The following TMEM219 variants were observed in gnomAD, a reference collection of about 807,000 sequenced individuals.
TMEM219 encodes insulin-like growth factor-binding protein 3 receptor.
A neutral mutation model predicts 17.9 loss-of-function variants in TMEM219; 18 were observed. The ratio of observed to expected loss-of-function variants is 1.01; its 90% CI spans 0.70 to 1.49. The LOEUF (loss-of-function observed/expected upper bound fraction) is 1.49, where lower values mean the gene tolerates loss of function less well. Ranked by LOEUF, TMEM219 falls within the 40% of genes most tolerant of loss-of-function variation. TMEM219 has a pLI of 0.00. For synonymous variants in TMEM219, 113 were observed against 124.0 expected, an observed-to-expected ratio of 0.91 and a Z score of 0.59; for missense variants, 288 against 292.4, an observed-to-expected ratio of 0.99 and a Z score of 0.11.
At chr16:29,964,609 A>G (rs757910148) in intron 3 of TMEM219, among the ~76,000 whole-genome samples, 3 of 152,044 alleles carry the variant, frequency 2.0e-5, no homozygotes, top group Non-Finnish European at 4.4e-5. Context: ...TGCAATAAGC[A>G]GAGATCACAC....
intron 3 of TMEM219, among the ~76,000 whole-genome samples, chr16:29,964,711 A>G (rs2069191303): frequency 6.8e-6 from 1 of 147,636 alleles, no homozygotes; most frequent in African/African-American, 2.5e-5. Context: ...AGGTGAGATC[A>G]CAGAGGACTG....
chr16:29,964,198 C>G (rs2150860622), intron 3 of TMEM219, among the ~76,000 whole-genome samples: 1 of 152,206 alleles, frequency 6.6e-6, no homozygotes, highest in East Asian at 1.9e-4. Context: ...TTGCACGTGC[C>G]TGTAATCCCA....
chr16:29,971,803 C>T (rs2069293184), intron 5 of TMEM219: 1 of 345,164 alleles, frequency 2.9e-6, no homozygotes, highest in East Asian at 5.6e-5. Flanking sequence ...AAATAGTTAA[C>T]ACTTATGTAG....
Position 29,963,531 on chromosome 16 carries a change from C to G in TMEM219, c.297C>G (p.Asp99Glu), listed in dbSNP as rs2069174835. The change falls in exon 3 of 6, where the codon GAC (aspartate) becomes GAG (glutamate). Residue 99 changes from aspartate to glutamate, a missense_variant. Physicochemically the swap from Asp to Glu is conservative, Grantham distance 45. Transcript: ENST00000279396. ...CCTTGAACTTCGGAGACGGTCCAGA[C>G]AGGAACAAGACCCGGACATTCCAGG... ...LTTLNFGDGP[D>E]RNKTRTFQAT... 2 of 1,613,982 alleles carry G rather than the reference C, an allele frequency of 1.2e-6. No individual in the cohort carries two copies. The highest frequency in any genetic ancestry group is 1.3e-5 in the African/African-American group (1 of 74,892).
At chr16:29,967,986 T>C in intron 3 of TMEM219, 39 bp from the exon 4 acceptor site, 1 of 1,494,934 alleles carries the variant, frequency 6.7e-7, no homozygotes, top group Non-Finnish European at 9.3e-7. Flanking sequence ...CCGCGTCACC[T>C]CTCATTTTCT....
intron 3 of TMEM219, among the ~76,000 whole-genome samples, chr16:29,964,071 TC>T (rs1486016094): frequency 2.6e-5 from 4 of 151,814 alleles, no homozygotes; most frequent in Non-Finnish European, 5.9e-5. Flanking sequence ...ACAGCGGTAA[TC>T]CCAGCAGTTT....
intron 3 of TMEM219, 46 bp downstream of exon 3, chr16:29,963,635 C>T: frequency 6.4e-7 from 1 of 1,560,362 alleles, no homozygotes; most frequent in Non-Finnish European, 8.8e-7. Context: ...GTAATCCCAA[C>T]ACTTTGGGAG....
intron 4 of TMEM219, 148 bp from the exon 5 acceptor site, chr16:29,971,260 A>C: frequency 1.1e-6 from 1 of 942,782 alleles, no homozygotes; most frequent in Non-Finnish European, 1.6e-6. Context: ...AAAAAAAAAA[A>C]AGACAAATGT....
chr16:29,963,107 C>T lies in TMEM219; in HGVS notation c.-37C>T, dbSNP rs762410368. 5.6e-6 allele frequency: 9 copies of T among 1,601,642 alleles called. No homozygotes were observed. The highest frequency in any genetic ancestry group is 7.6e-6 in the Non-Finnish European group (9 of 1,177,170). On this transcript the variant is annotated splice_region_variant and 5_prime_UTR_variant, in exon 2 of 6. Coordinates refer to ENST00000279396, the MANE Select transcript of TMEM219 (RefSeq NM_001083613.2). ...CCCATTCTCCCTCCCTGTCTTCCAG[C>T]AGGCTCTCCCCGGAGGCTCAGCCCC...
intron 4 of TMEM219, 26 bp downstream of exon 4, chr16:29,968,280 G>C: frequency 6.3e-7 from 1 of 1,584,472 alleles, no homozygotes; most frequent in South Asian, 1.1e-5. Flanking sequence ...GGGTCGCCAG[G>C]GTTTTGTAGA....
At position 29,971,470 on chromosome 16, in the gene TMEM219, T is replaced by C. The variant is rs2069287033; in HGVS notation, c.648T>C (p.Cys216=). ...LVLGSFLLLF[C]GLLCCVTAMC... is the part of the protein sequence containing the mutation. Reference sequence around the variant, plus strand: ...TGGGCTCCTTCCTGCTTCTCTTCTGTGGCCTTCTCTGCTGTGTCACTGCTA... The same window carrying C: ...TGGGCTCCTTCCTGCTTCTCTTCTGCGGCCTTCTCTGCTGTGTCACTGCTA... The change falls in exon 5 of 6, where the codon TGT becomes TGC. Residue 216 remains cysteine, a synonymous_variant. Coordinates refer to ENST00000279396, the MANE Select transcript of TMEM219 (RefSeq NM_001083613.2). 1.2e-6 allele frequency: 2 copies of C among 1,614,168 alleles called. No individual in the cohort carries two copies. Among genetic ancestry groups the C allele is most frequent in the Non-Finnish European group, 1.7e-6 (2 of 1,180,036 alleles).
rs370371593 is a variant in TMEM219 at position 29,971,529 on chromosome 16, C to T, written c.707C>T (p.Ser236Phe). ...CACCCGCGCCGGGAGTCCCACTGGT[C>T]TAGAACCCGGCTCTGAGGGCACTGG... ...CFHPRRESHW[S>F]RTRL The change falls in exon 5 of 6, where the codon TCT becomes TTT. Residue 236 changes from serine (S) to phenylalanine (F), a missense_variant. By Grantham distance (155) the Ser-to-Phe change is radical. Transcript: ENST00000279396. The T allele has an allele frequency of 1.6e-5, 26 of 1,612,126 alleles. No homozygotes were observed. Among genetic ancestry groups the T allele is most frequent in the Non-Finnish European group, 2.2e-5 (26 of 1,179,344 alleles).
At chr16:29,970,170 G>C (rs1435895587) in intron 4 of TMEM219, among the ~76,000 whole-genome samples, 1 of 151,696 alleles carries the variant, frequency 6.6e-6, no homozygotes, top group African/African-American at 2.4e-5. Flanking sequence ...GGAGGCAGAG[G>C]TTGTAGTGAG....
At chr16:29,971,828 A>G in intron 5 of TMEM219, 1 of 278,168 alleles carries the variant, frequency 3.6e-6, no homozygotes, top group Non-Finnish European at 6.8e-6. Context: ...GTCCAATAGT[A>G]TAAAAGGACA....
At chr16:29,971,345 C>T (rs1596582619) in intron 4 of TMEM219, 63 bp from the exon 5 acceptor site, 2 of 1,598,196 alleles carry the variant, frequency 1.3e-6, no homozygotes, top group Non-Finnish European at 8.5e-7. Flanking sequence ...ATGGAGGCTC[C>T]TTCTATAGCC....
intron 4 of TMEM219, among the ~76,000 whole-genome samples, chr16:29,970,576 G>A (rs1210784463): frequency 1.3e-5 from 2 of 151,772 alleles, no homozygotes; most frequent in African/African-American, 2.4e-5. Context: ...CACCCACCTC[G>A]GCCTCTCAAA....
chr16:29,971,930 C>G (rs191993266), intron 5 of TMEM219: 167 of 168,722 alleles, frequency 9.9e-4, no homozygotes, highest in African/African-American at 3.7e-3. Context: ...CCCTTCCTTC[C>G]TGACAATGCC....
At position 29,965,747 on chromosome 16, in the gene TMEM219, G is replaced by A. The variant is rs146885085; in HGVS notation, c.355+2158G>A. On this transcript the variant is annotated intron_variant, in intron 3 of 5. Transcript: ENST00000279396. ...TCGCCATCACGCTCACCTAATTCCC[G>A]CCCCCCAGCCCAAGGAGTCTTGCTC... Among the ~76,000 whole-genome samples the A allele has an allele frequency of 5.3e-5, 8 of 151,640 alleles. No homozygotes were observed. In the East Asian group the frequency reaches 5.8e-4, roughly 11 times the overall value.
chr16:29,962,581 A>C (rs1193856078), intron 1 of TMEM219: 1 of 153,256 alleles, frequency 6.5e-6, no homozygotes, highest in Non-Finnish European at 1.5e-5. Context: ...AAGGAAGTGG[A>C]CATTTGTTGA....
Sources: gnomAD v4.1 joint callset for allele counts (sites outside exome capture counted in the v4.1 genomes callset) on GRCh38, gnomAD v4.1.1 for gene constraint, MANE v1.5 for transcripts, NCBI Gene and HGNC (gene_info 2026-07-23, HGNC 2026-07-21) for gene names.